Variants in ZPBP observed in about 807,000 individuals in gnomAD.
The protein encoded by ZPBP is zona pellucida binding protein.
In ZPBP, 26 loss-of-function variants were observed where a neutral mutation model predicts 44.8. That is an observed-to-expected ratio of 0.58 (90% confidence interval 0.43 to 0.81). ZPBP has a LOEUF of 0.81. ZPBP is among the 30% of genes least tolerant of loss of function. The pLI, the probability that ZPBP is intolerant of heterozygous loss-of-function variation, is 0.00. For missense variants in ZPBP, 409 were observed against 434.0 expected (o/e 0.94, Z 0.51); for synonymous variants, 174 against 153.2 (o/e 1.14, Z -1.00).
intron 1 of ZPBP, among the ~76,000 whole-genome samples, chr7:49,928,247 A>G (rs1794316699): frequency 6.6e-6 from 1 of 152,192 alleles, no homozygotes. Flanking sequence ...TGAGTTTCTC[A>G]TTAGTGTGCA....
At chr7:49,996,287 T>C (rs1170893084) in intron 6 of ZPBP, among the ~76,000 whole-genome samples, 4 of 152,144 alleles carry the variant, frequency 2.6e-5, no homozygotes, top group Non-Finnish European at 4.4e-5. Flanking sequence ...GTTCCAATTA[T>C]GCAACTGGAA....
chr7:50,086,652 C>G (rs974926662), intron 2 of ZPBP, among the ~76,000 whole-genome samples: 1 of 151,550 alleles, frequency 6.6e-6, no homozygotes, highest in African/African-American at 2.4e-5. Flanking sequence ...ATGGGATTAC[C>G]CAGTCTGAGA....
chr7:49,961,452 G>T lies in ZPBP; in HGVS notation c.961+21890C>A, dbSNP rs1243075217. 2.0e-5 allele frequency among the ~76,000 whole-genome samples: 3 copies of T among 152,240 alleles called. No homozygotes were observed. The South Asian group carries it at 6.2e-4, about 32-fold the overall frequency. On this transcript the variant is annotated intron_variant, in intron 7 of 7. Transcript: ENST00000046087. ...AAAGCATATCAAAGCCTAGGAGTAG[G>T]TGTTGAGAGGTCAGCTAGATTAAAA...
chr7:49,875,870 T>G (rs1791393961), intron 2 of ZPBP, among the ~76,000 whole-genome samples: 2 of 152,180 alleles, frequency 1.3e-5, no homozygotes, highest in Non-Finnish European at 2.9e-5. Context: ...GAATCCTGCT[T>G]GGTTTCTCAC....
intron 7 of ZPBP, chr7:49,943,726 C>T (rs1794984166): frequency 4.0e-6 from 1 of 249,888 alleles, no homozygotes; most frequent in Non-Finnish European, 7.8e-6. Context: ...TGGCTCAAGG[C>T]TCAATGTGAC....
chr7:49,907,045 C>G lies in ZPBP; in HGVS notation n.412-5830G>C, dbSNP rs1257207132. On this transcript the variant is annotated intron_variant and non_coding_transcript_variant, in intron 1 of 2. Coordinates refer to the ZPBP transcript ENST00000465922. ...ACAATGGTGAAGGCACACAGTGGAGCCATAAAGAACAAGTACTGGGTCTGT... is the reference window on the plus strand; with the variant it reads ...ACAATGGTGAAGGCACACAGTGGAGGCATAAAGAACAAGTACTGGGTCTGT... Among the ~76,000 whole-genome samples, 3 of 151,970 alleles carry G rather than the reference C, an allele frequency of 2.0e-5. No homozygotes were observed. In the East Asian group the frequency reaches 5.8e-4, roughly 29 times the overall value.
At chr7:50,059,627 A>C (rs1268598951) in intron 3 of ZPBP, among the ~76,000 whole-genome samples, 1 of 152,214 alleles carries the variant, frequency 6.6e-6, no homozygotes, top group African/African-American at 2.4e-5. Context: ...GTTCTCATGA[A>C]GTTTAAAGAA....
At chr7:49,911,480 C>CAAAAA (rs34782644) in intron 1 of ZPBP, among the ~76,000 whole-genome samples, 2 of 71,610 alleles carry the variant, frequency 2.8e-5, no homozygotes, top group Admixed American at 1.8e-4. Flanking sequence ...GACTCTGTCT[C>CAAAAA]AAAAAAAAAA....
At chr7:50,020,512 T>A (rs951433074) in intron 5 of ZPBP, among the ~76,000 whole-genome samples, 5 of 152,058 alleles carry the variant, frequency 3.3e-5, no homozygotes, top group African/African-American at 9.7e-5. Flanking sequence ...CCCCACCATA[T>A]CAGGCAAACC....
At chr7:50,031,857 T>G (rs79724464) in intron 4 of ZPBP, among the ~76,000 whole-genome samples, 5,890 of 152,096 alleles carry the variant, frequency 0.039, 158 homozygotes, top group Middle Eastern at 0.078. Flanking sequence ...TATATATATA[T>G]TTTGCCCATC....
intron 3 of ZPBP, among the ~76,000 whole-genome samples, chr7:50,073,415 C>T (rs1801941679): frequency 6.6e-6 from 1 of 151,866 alleles, no homozygotes; most frequent in African/African-American, 2.4e-5. Flanking sequence ...AGAAAATAGC[C>T]TCAAAACAGC....
rs552630346 is a variant in ZPBP at position 50,040,919 on chromosome 7, C to T, written c.488-9609G>A. Among the ~76,000 whole-genome samples the T allele has an allele frequency of 1.2e-4, 19 of 152,272 alleles. No homozygotes were observed. In the South Asian group the frequency reaches 3.7e-3, roughly 30 times the overall value. On this transcript the variant is annotated intron_variant, in intron 4 of 7. Transcript: ENST00000046087. ...CTAAGATCCACTGGCTTGAAATTCT[C>T]GCTGCCAGCACAGCTGTCTGAGGTC...
In ZPBP at chr7:50,040,236, T is replaced by G. The variant is rs527939863; in HGVS notation, c.488-8926A>C. ...CCAACTACACTATATATTGTCTACATGAGATGCACTTTAAATTCAAAGGTA... is the reference window on the plus strand; with the variant it reads ...CCAACTACACTATATATTGTCTACAGGAGATGCACTTTAAATTCAAAGGTA... On this transcript the variant is annotated intron_variant, in intron 4 of 7. Transcript: ENST00000046087. 3.3e-5 allele frequency among the ~76,000 whole-genome samples: 5 copies of G among 152,318 alleles called. No individual in the cohort carries two copies. In the South Asian group the frequency reaches 1.0e-3, roughly 32 times the overall value.
At chr7:49,969,234 C>T (rs1404905465) in intron 7 of ZPBP, among the ~76,000 whole-genome samples, 1 of 148,552 alleles carries the variant, frequency 6.7e-6, no homozygotes, top group African/African-American at 2.5e-5. Flanking sequence ...TTTTTATAGC[C>T]AATATATATC....
chr7:50,084,391 CAAAAAAACAGAATAAACT>C (rs1562617536), intron 2 of ZPBP, among the ~76,000 whole-genome samples: 1 of 148,534 alleles, frequency 6.7e-6, no homozygotes, highest in African/African-American at 2.5e-5. Context: ...TTACATACAC[CAAAAAAACAGAATAAACT>C]AAAAGTTCAA....
chr7:49,905,805 C>T (rs937174076), intron 1 of ZPBP, among the ~76,000 whole-genome samples: 1 of 150,304 alleles, frequency 6.7e-6, no homozygotes, highest in Non-Finnish European at 1.5e-5. Context: ...GGTCATAAAG[C>T]CCTTGCTGAT....
chr7:50,070,621 T>C (rs1801789851), intron 3 of ZPBP, among the ~76,000 whole-genome samples: 1 of 152,140 alleles, frequency 6.6e-6, no homozygotes, highest in Non-Finnish European at 1.5e-5. Flanking sequence ...GAGAGACTGA[T>C]GGGGTTCAGG....
chr7:50,055,136 A>G (rs1419468733), intron 4 of ZPBP, among the ~76,000 whole-genome samples: 2 of 152,160 alleles, frequency 1.3e-5, no homozygotes, highest in Admixed American at 6.5e-5. Flanking sequence ...TATCTTACAA[A>G]ATACAGCAAT....
intron 4 of ZPBP, 88 bp from the exon 5 acceptor site, chr7:50,031,398 G>T: frequency 1.0e-6 from 1 of 1,001,412 alleles, no homozygotes; most frequent in South Asian, 1.6e-5. Context: ...ATCATTATTT[G>T]GTATGAATTC....
Sources: gnomAD v4.1 joint callset for allele counts (sites outside exome capture counted in the v4.1 genomes callset) on GRCh38, gnomAD v4.1.1 for gene constraint, MANE v1.5 for transcripts, NCBI Gene and HGNC (gene_info 2026-07-23, HGNC 2026-07-21) for gene names.